ERAP1: variants seen among roughly 807,000 people sequenced by gnomAD.
ERAP1 encodes endoplasmic reticulum aminopeptidase 1.
Under a neutral mutation model 103.7 loss-of-function variants are expected in ERAP1, and 86 were observed. That is an observed-to-expected ratio of 0.83 (90% CI 0.70 to 0.99). The LOEUF (loss-of-function observed/expected upper bound fraction) is 0.99, where lower values mean the gene tolerates loss of function less well. Among genes scored for constraint, ERAP1 ranks in the 50% least tolerant of loss-of-function variants. The pLI, the probability that ERAP1 is intolerant of heterozygous loss-of-function variation, is 0.00. For synonymous variants in ERAP1, 398 were observed against 402.4 expected, an observed-to-expected ratio of 0.99 and a Z score of 0.13; for missense variants, 1,009 against 1,128.4, an observed-to-expected ratio of 0.89 and a Z score of 1.52.
chr5:96,762,983 C>T, exon 20 of ERAP1: 1 of 606,020 alleles, frequency 1.7e-6, no homozygotes, highest in East Asian at 2.8e-5. Context: ...GACTAATCAC[C>T]TGTGCAATAC....
chr5:96,873,984 G>T, the ERAP1 span, among the ~76,000 whole-genome samples: 6 of 152,064 alleles, frequency 3.9e-5, no homozygotes, highest in Admixed American at 6.6e-5. Context: ...CCAACAAGGA[G>T]GGTCTCTCTG....
chr5:96,862,364 T>C, the ERAP1 span, among the ~76,000 whole-genome samples: 548 of 152,332 alleles, frequency 3.6e-3, 3 homozygotes, highest in African/African-American at 0.013. Context: ...GCCATCTCAA[T>C]AAACAGTAAA....
chr5:96,885,025 A>T, the ERAP1 span, among the ~76,000 whole-genome samples: 1 of 152,172 alleles, frequency 6.6e-6, no homozygotes, highest in African/African-American at 2.4e-5. Context: ...ATTTAAGGCA[A>T]TGTTAATCTA....
At chr5:96,833,349 A>G in the ERAP1 span, among the ~76,000 whole-genome samples, 2 of 152,258 alleles carry the variant, frequency 1.3e-5, no homozygotes, top group East Asian at 3.9e-4. Context: ...TGTTCATTAC[A>G]CCTTCTGTGC....
the ERAP1 span, among the ~76,000 whole-genome samples, chr5:96,858,208 GTTC>G: frequency 4.7e-5 from 7 of 148,104 alleles, no homozygotes; most frequent in East Asian, 3.9e-4. Context: ...TCTCCTCCTT[GTTC>G]TTCTTCTTTT....
At chr5:96,898,988 T>C in the ERAP1 span, among the ~76,000 whole-genome samples, 2 of 152,158 alleles carry the variant, frequency 1.3e-5, no homozygotes, top group Admixed American at 1.3e-4. Context: ...GAATCTATCA[T>C]TTGGTGTGCA....
At chr5:96,832,157 T>C in the ERAP1 span, among the ~76,000 whole-genome samples, 11 of 152,104 alleles carry the variant, frequency 7.2e-5, no homozygotes, top group African/African-American at 2.4e-4. Flanking sequence ...TTTACAATAA[T>C]TAGGTACAGA....
the ERAP1 span, among the ~76,000 whole-genome samples, chr5:96,837,368 G>C: frequency 2.9e-3 from 440 of 152,272 alleles, 1 homozygote; most frequent in Non-Finnish European, 5.0e-3. Flanking sequence ...CCTACATTAG[G>C]TCAGTAGTTA....
the ERAP1 span, among the ~76,000 whole-genome samples, chr5:96,815,407 G>GTTTTTTTTTTTTTTTTTTTTTT: frequency 4.7e-5 from 5 of 105,456 alleles, 1 homozygote; most frequent in Non-Finnish European, 4.1e-5. Context: ...TGTTTGTTTT[G>GTTTTTTTTTTTTTTTTTTTTTT]TTTTTTATTT....
chr5:96,776,174 G>A lies in ERAP1; in HGVS notation c.*222C>T. 6.6e-7 allele frequency: 1 copy of A among 1,506,894 alleles called. No individual in the cohort carries two copies. The highest frequency in any genetic ancestry group is 2.6e-5 in the East Asian group (1 of 38,940). The allele number at this position is 1,506,894 out of a possible 1,614,324, so 93.3% of individuals were successfully genotyped here. ...CTGTGGCAGGGAACCCAACACTTGGGTTTACGTTGCAGGGCAACACCTGTG... is the reference window on the plus strand; with the variant it reads ...CTGTGGCAGGGAACCCAACACTTGGATTTACGTTGCAGGGCAACACCTGTG... On this transcript the variant is annotated 3_prime_UTR_variant, in exon 19 of 19. Coordinates refer to ENST00000443439, the MANE Select transcript of ERAP1 (RefSeq NM_001040458.3).
intron 17 of ERAP1, 148 bp from the exon 18 acceptor site, chr5:96,780,652 C>G (rs924348878): frequency 1.4e-6 from 1 of 708,304 alleles, no homozygotes; most frequent in African/African-American, 1.8e-5. Context: ...GGGTTAAGAT[C>G]TAGCTGTAAA....
the ERAP1 span, among the ~76,000 whole-genome samples, chr5:96,908,237 C>G: frequency 6.6e-5 from 10 of 152,174 alleles, no homozygotes; most frequent in Non-Finnish European, 1.3e-4. Flanking sequence ...CTTATAGACT[C>G]TGTGTGCAAC....
At chr5:96,905,237 G>A in the ERAP1 span, among the ~76,000 whole-genome samples, 106 of 152,140 alleles carry the variant, frequency 7.0e-4, 1 homozygote, top group Non-Finnish European at 1.3e-3. Context: ...TTGAGAAAAA[G>A]GCAGAATGTA....
chr5:96,856,539 C>T, the ERAP1 span, among the ~76,000 whole-genome samples: 1 of 151,756 alleles, frequency 6.6e-6, no homozygotes, highest in East Asian at 1.9e-4. Context: ...CGTATCTTGG[C>T]AGTCATCCTG....
the ERAP1 span, among the ~76,000 whole-genome samples, chr5:96,816,428 C>T: frequency 6.6e-6 from 1 of 152,080 alleles, no homozygotes; most frequent in Non-Finnish European, 1.5e-5. Context: ...CAGCACCTAC[C>T]CCGCCTCTGC....
At chr5:96,899,695 CT>C in the ERAP1 span, among the ~76,000 whole-genome samples, 2 of 152,192 alleles carry the variant, frequency 1.3e-5, no homozygotes, top group Non-Finnish European at 2.9e-5. Context: ...GTTTCCCCTA[CT>C]GTCAAAGAAC....
the ERAP1 span, among the ~76,000 whole-genome samples, chr5:96,891,481 A>ATG: frequency 2.3e-5 from 2 of 88,846 alleles, no homozygotes; most frequent in African/African-American, 9.0e-5. Flanking sequence ...GTATATATAT[A>ATG]TATGTGTGTG....
chr5:96,779,607 T>C (rs941155916), intron 18 of ERAP1: 1 of 152,780 alleles, frequency 6.5e-6, no homozygotes, highest in Non-Finnish European at 1.5e-5. Context: ...AATATTAGCC[T>C]CTCAGCTTTT....
chr5:96,820,305 A>G, the ERAP1 span, among the ~76,000 whole-genome samples: 1 of 152,044 alleles, frequency 6.6e-6, no homozygotes, highest in African/African-American at 2.4e-5. Flanking sequence ...AATGAAAGAA[A>G]ATCTCATTTT....
Sources: allele counts gnomAD v4.1 joint callset (sites outside exome capture counted in the v4.1 genomes callset), GRCh38; gene constraint gnomAD v4.1.1; transcripts MANE v1.5; gene names NCBI Gene and HGNC (gene_info 2026-07-23, HGNC 2026-07-21).